Variants in ARF1 observed in about 807,000 individuals in gnomAD.
ARF1 encodes ARF GTPase 1, also known as ADP-ribosylation factor 1.
Under a neutral mutation model 18.0 loss-of-function variants are expected in ARF1, and 1 was observed. The ratio of observed to expected loss-of-function variants is 0.06; its 90% CI spans 0.02 to 0.26. The LOEUF is 0.26. ARF1 is among the 10% of genes least tolerant of loss of function. The pLI is 1.00. For synonymous variants in ARF1, 112 were observed against 96.3 expected (o/e 1.16, Z -0.95); for missense variants, 73 against 247.2 (o/e 0.30, Z 4.73).
intron 1 of ARF1, among the ~76,000 whole-genome samples, chr1:228,085,007 G>A (rs1397673312): frequency 6.6e-6 from 1 of 152,214 alleles, no homozygotes; most frequent in East Asian, 1.9e-4. Context: ...GTCTCTCATA[G>A]GCATTCTCTC....
chr1:228,094,731 C>G (rs2032685003), intron 1 of ARF1, among the ~76,000 whole-genome samples: 1 of 152,146 alleles, frequency 6.6e-6, no homozygotes, highest in African/African-American at 2.4e-5. Flanking sequence ...ATCTGAGGCC[C>G]TGCAGTTTGG....
Position 228,098,112 on chromosome 1 carries a change from T to C in ARF1, c.*99T>C. The C allele has an allele frequency of 6.9e-7, 1 of 1,459,160 alleles. No homozygotes were observed. The allele number at this position is 1,459,160 out of a possible 1,614,324, so 90.4% of individuals were successfully genotyped here. ...TGAGTGCCAGAAGCTGCCTCCGTGG[T>C]TTGGTCACCGTGTGCATCGCACCGT... On this transcript the variant is annotated 3_prime_UTR_variant, in exon 5 of 5. Coordinates refer to ENST00000272102, the MANE Select transcript of ARF1 (RefSeq NM_001658.4).
intron 1 of ARF1, among the ~76,000 whole-genome samples, chr1:228,084,026 G>C (rs1390906219): frequency 6.6e-6 from 1 of 152,262 alleles, no homozygotes; most frequent in Non-Finnish European, 1.5e-5. Flanking sequence ...AGTTTTCTTT[G>C]CCGGCTGTTG....
chr1:228,090,401 G>A (rs1243027584), intron 1 of ARF1: 2 of 152,258 alleles, frequency 1.3e-5, no homozygotes, highest in African/African-American at 2.4e-5. Flanking sequence ...CCCTGGGGAC[G>A]GGGCTGGTTG....
chr1:228,083,716 C>G (rs535639833), intron 1 of ARF1, among the ~76,000 whole-genome samples: 1 of 152,358 alleles, frequency 6.6e-6, no homozygotes, highest in African/African-American at 2.4e-5. Context: ...AGCGCTCTCT[C>G]GGAGCACAGC....
intron 1 of ARF1, among the ~76,000 whole-genome samples, chr1:228,085,972 A>G (rs1462796787): frequency 6.6e-6 from 1 of 152,212 alleles, no homozygotes; most frequent in Non-Finnish European, 1.5e-5. Context: ...GGCAGCCCCT[A>G]CGAAACTTCA....
At chr1:228,090,825 A>C (rs2032555121) in intron 1 of ARF1, 1 of 152,320 alleles carries the variant, frequency 6.6e-6, no homozygotes, top group African/African-American at 2.4e-5. Context: ...TCACTGAGAG[A>C]GCAGGGCTGG....
chr1:228,094,462 G>A (rs2032671572), intron 1 of ARF1, among the ~76,000 whole-genome samples: 1 of 152,088 alleles, frequency 6.6e-6, no homozygotes, highest in Admixed American at 6.6e-5. Flanking sequence ...TTTCATGCTT[G>A]GGTTTTTCAT....
rs116438423 is a variant in ARF1 at position 228,089,822 on chromosome 1, A to G, written c.-38+7057A>G. Among the ~76,000 whole-genome samples, 3,848 of 152,060 alleles carry G rather than the reference A, an allele frequency of 0.025. 72 individuals carry two copies. The highest frequency in any genetic ancestry group is 0.042 in the Non-Finnish European group (2,859 of 67,988). On this transcript the variant is annotated intron_variant, in intron 1 of 4. Coordinates refer to ENST00000272102, the MANE Select transcript of ARF1 (RefSeq NM_001658.4). This position sits in a 1 kb window ranked among gnomAD's most constrained non-coding sequence, Gnocchi z 4.1. ...CCCAGCCCCACACAATGGTGGGCCT[A>G]TGTTCGTCCAGAACAGTGCCTGGCA...
intron 1 of ARF1, among the ~76,000 whole-genome samples, chr1:228,087,897 G>A (rs1376308314): frequency 6.6e-6 from 1 of 152,188 alleles, no homozygotes; most frequent in Non-Finnish European, 1.5e-5. Flanking sequence ...GGTTTTTCGT[G>A]ACGAACTTAA....
intron 1 of ARF1, among the ~76,000 whole-genome samples, chr1:228,095,096 G>A (rs1296271099): frequency 6.6e-6 from 1 of 152,082 alleles, no homozygotes; most frequent in African/African-American, 2.4e-5. Flanking sequence ...TCTGCCTTCT[G>A]AGCACCTTCA....
chr1:228,091,540 T>C (rs1361071509), intron 1 of ARF1, among the ~76,000 whole-genome samples: 1 of 152,234 alleles, frequency 6.6e-6, no homozygotes, highest in Admixed American at 6.5e-5. Context: ...TGTCTCAATC[T>C]GCATGATTGC....
intron 1 of ARF1, among the ~76,000 whole-genome samples, chr1:228,093,733 G>T (rs1428751857): frequency 1.3e-5 from 2 of 151,872 alleles, no homozygotes; most frequent in Non-Finnish European, 2.9e-5. Flanking sequence ...GGCCAGCCCT[G>T]ACCAACATGG....
chr1:228,085,040 A>G (rs1008792876), intron 1 of ARF1, among the ~76,000 whole-genome samples: 3 of 152,220 alleles, frequency 2.0e-5, no homozygotes, highest in Non-Finnish European at 2.9e-5. Context: ...CACCTCCGTA[A>G]ATTCAAGAGG....
intron 1 of ARF1, among the ~76,000 whole-genome samples, chr1:228,095,805 T>TATTC (rs1200018495): frequency 3.3e-5 from 5 of 152,210 alleles, no homozygotes; most frequent in African/African-American, 9.6e-5. Flanking sequence ...AGAGGGCAGG[T>TATTC]ATTCAGTCTC....
chr1:228,094,362 C>A (rs575705716), intron 1 of ARF1, among the ~76,000 whole-genome samples: 19 of 152,186 alleles, frequency 1.2e-4, no homozygotes, highest in Admixed American at 3.3e-4. Context: ...GCTTTCCAAC[C>A]CCCTAGTAAT....
At chr1:228,090,255 G>T (rs925389390) in intron 1 of ARF1, among the ~76,000 whole-genome samples, 1 of 152,224 alleles carries the variant, frequency 6.6e-6, no homozygotes, top group Admixed American at 6.5e-5. Context: ...CAGCATAGGC[G>T]CCTGGCAGAA....
In ARF1 at chr1:228,089,560, C is replaced by A. The variant is rs74140954; in HGVS notation, c.-38+6795C>A. ...CCTCAGCCTACATTTTTAAAATGAACGTTTCTTGAAGGCAGAAATCAAGTT... is the reference window on the plus strand; with the variant it reads ...CCTCAGCCTACATTTTTAAAATGAAAGTTTCTTGAAGGCAGAAATCAAGTT... On this transcript the variant is annotated intron_variant, in intron 1 of 4. Transcript: ENST00000272102. This position sits in a 1 kb window ranked among gnomAD's most constrained non-coding sequence, Gnocchi z 4.1. Among the ~76,000 whole-genome samples, 1,039 of 152,300 alleles carry A rather than the reference C, an allele frequency of 6.8e-3. 7 individuals carry two copies. Among genetic ancestry groups the A allele is most frequent in the African/African-American group, 0.021 (864 of 41,564 alleles).
intron 1 of ARF1, among the ~76,000 whole-genome samples, chr1:228,084,575 A>G (rs377559307): frequency 2.6e-5 from 4 of 152,324 alleles, no homozygotes; most frequent in African/African-American, 9.6e-5. Context: ...TTTGTACATC[A>G]TGTGGTCTAG....
Sources: allele counts gnomAD v4.1 joint callset (sites outside exome capture counted in the v4.1 genomes callset), GRCh38; gene constraint gnomAD v4.1.1; non-coding constraint Gnocchi (gnomAD v3.1); transcripts MANE v1.5; gene names NCBI Gene and HGNC (gene_info 2026-07-23, HGNC 2026-07-21).